GEMIN5: variants seen among roughly 807,000 people sequenced by gnomAD.
The protein encoded by GEMIN5 is gem nuclear organelle associated protein 5.
In GEMIN5, 124 loss-of-function variants were observed where a neutral mutation model predicts 176.9. The observed-to-expected ratio is 0.70, with a 90% CI of 0.61 to 0.81. The LOEUF (loss-of-function observed/expected upper bound fraction) is 0.81. GEMIN5 is among the 40% of genes least tolerant of loss of function. GEMIN5 has a pLI of 0.00. For synonymous variants in GEMIN5, 673 were observed against 665.2 expected (o/e 1.01, Z -0.18); for missense variants, 1,843 against 1,814.6 (o/e 1.02, Z -0.28).
In GEMIN5 at chr5:154,927,545, T is replaced by A. The variant is rs1334412841; in HGVS notation, c.920A>T (p.Glu307Val). Residue 307 changes from glutamate to valine, a missense_variant, in exon 7 of 28, where the codon GAA becomes GTA. Glu to Val is a moderately radical substitution (Grantham distance 121). Coordinates refer to ENST00000285873, the MANE Select transcript of GEMIN5 (RefSeq NM_015465.5). ...TTGAGTGAGATCCCATTGCAACAGT[T>A]CACCTCTGTGAAGGAAAAACATAAG... ...TQLVSSCFGG[E>V]LLQWDLTQSW... The A allele has an allele frequency of 6.3e-7, 1 of 1,592,926 alleles. No individual in the cohort carries two copies. The highest frequency in any genetic ancestry group is 8.6e-7 in the Non-Finnish European group (1 of 1,163,574).
At chr5:154,934,601 T>G in intron 3 of GEMIN5, among the ~76,000 whole-genome samples, 1 of 152,170 alleles carries the variant, frequency 6.6e-6, no homozygotes, top group East Asian at 1.9e-4. Context: ...TGTGAGCCAC[T>G]GCGCCCAGCC....
At chr5:154,936,989 A>G (rs762820552) in intron 2 of GEMIN5, 36 bp downstream of exon 2, 1 of 1,574,016 alleles carries the variant, frequency 6.4e-7, no homozygotes, top group Non-Finnish European at 8.7e-7. Context: ...GCACAGATAG[A>G]TAAAAACGGT....
chr5:154,904,694 T>C (rs1427178185), intron 17 of GEMIN5, 65 bp from the exon 18 acceptor site: 1 of 1,310,672 alleles, frequency 7.6e-7, no homozygotes, highest in Non-Finnish European at 1.1e-6. Flanking sequence ...ACGGAATGCC[T>C]ATTGTGTGAA....
rs1763341569 is a variant in GEMIN5 at position 154,895,946 on chromosome 5, G to C, written c.3597+146C>G. On this transcript the variant is annotated intron_variant, in intron 24 of 27. Coordinates refer to ENST00000285873, the MANE Select transcript of GEMIN5 (RefSeq NM_015465.5). ...GTTAAAGGGCTTTGATTAGTCTAAA[G>C]GGATCTTTCCAGGTGGCGTGGCCAT... 18 of 800,124 alleles carry C rather than the reference G, an allele frequency of 2.2e-5. No individual in the cohort carries two copies. In the South Asian group the frequency reaches 3.1e-4, roughly 14 times the overall value. 49.6% of individuals were successfully genotyped at this position (800,124 alleles called of 1,614,324 possible).
Position 154,888,502 on chromosome 5 carries a change from G to A in GEMIN5, c.4360-125C>T. The A allele has an allele frequency of 4.3e-6, 3 of 696,466 alleles. No individual in the cohort carries two copies. In the East Asian group the frequency reaches 8.1e-5, roughly 19 times the overall value. 43.1% of individuals were successfully genotyped at this position (696,466 alleles called of 1,614,324 possible). ...CTTCTTGGACACAGCTGAGCCAGCT[G>A]TCTCCTAAGGCAATGTCCTGTCTTT... On this transcript the variant is annotated intron_variant, in intron 27 of 27. Transcript: ENST00000285873.
chr5:154,908,134 ACT>A, intron 15 of GEMIN5, among the ~76,000 whole-genome samples: 2 of 127,260 alleles, frequency 1.6e-5, no homozygotes, highest in East Asian at 4.6e-4. Context: ...CCTACTCCAT[ACT>A]CTCTATTTAA....
intron 7 of GEMIN5, among the ~76,000 whole-genome samples, chr5:154,926,395 A>G (rs554435554): frequency 1.3e-5 from 2 of 152,170 alleles, no homozygotes; most frequent in Non-Finnish European, 2.9e-5. Context: ...CTCATTTGGC[A>G]AACTCTAAGG....
intron 26 of GEMIN5, among the ~76,000 whole-genome samples, chr5:154,890,032 G>T (rs1213831535): frequency 6.6e-6 from 1 of 152,232 alleles, no homozygotes; most frequent in African/African-American, 2.4e-5. Context: ...ATTTCTGGAG[G>T]AAGTGCTGCT....
chr5:154,898,780 C>A, intron 22 of GEMIN5, 130 bp from the exon 23 acceptor site: 1 of 748,082 alleles, frequency 1.3e-6, no homozygotes. Context: ...TATGTCACTG[C>A]CCCGGTTGTT....
chr5:154,930,233 G>A (rs370360137), intron 5 of GEMIN5, among the ~76,000 whole-genome samples: 1 of 152,112 alleles, frequency 6.6e-6, no homozygotes, highest in Admixed American at 6.6e-5. Flanking sequence ...TAGCCTGTGC[G>A]GTCTAACCCT....
intron 21 of GEMIN5, among the ~76,000 whole-genome samples, chr5:154,900,889 T>C (rs936798182): frequency 4.4e-5 from 3 of 67,920 alleles, no homozygotes; most frequent in Non-Finnish European, 6.7e-5. Context: ...TAGGAGGTAA[T>C]TCTAGAATAT....
At chr5:154,903,019 C>T (rs1561713953) in intron 19 of GEMIN5, 61 bp downstream of exon 19, 1 of 1,074,694 alleles carries the variant, frequency 9.3e-7, no homozygotes, top group Non-Finnish European at 1.4e-6. Flanking sequence ...CAAAGAGGTG[C>T]ACACAAAATG....
At chr5:154,890,333 A>T (rs1561706629) in intron 26 of GEMIN5, among the ~76,000 whole-genome samples, 1 of 151,980 alleles carries the variant, frequency 6.6e-6, no homozygotes, top group Non-Finnish European at 1.5e-5. Flanking sequence ...TTTATTTTTA[A>T]TATTTTTTAA....
In GEMIN5 at chr5:154,927,496, G is replaced by C. The variant is rs1764070295; in HGVS notation, c.969C>G (p.Leu323=). ...TTTGCCCTTCTGATGAGGCACTGAA[G>C]AGGGTGTATTTCCGTCTCCAAGATT... ...LTQSWRRKYT[L]FSASSEGQNH... The change falls in exon 7 of 28, where the codon CTC becomes CTG. Residue 323 remains leucine (L), a synonymous_variant. Coordinates refer to ENST00000285873, the MANE Select transcript of GEMIN5 (RefSeq NM_015465.5). The C allele has an allele frequency of 6.2e-7, 1 of 1,611,486 alleles. No individual in the cohort carries two copies. The highest frequency in any genetic ancestry group is 8.5e-7 in the Non-Finnish European group (1 of 1,177,590).
At chr5:154,901,316 C>T (rs941660291) in intron 21 of GEMIN5, 23 bp downstream of exon 21, 24 of 1,587,128 alleles carry the variant, frequency 1.5e-5, no homozygotes, top group East Asian at 9.1e-5. Context: ...CAAGTATTAT[C>T]CCAACTCTAG....
At chr5:154,913,065 G>A (rs1763736585) in intron 13 of GEMIN5, 27 bp from the exon 14 acceptor site, 2 of 1,574,262 alleles carry the variant, frequency 1.3e-6, no homozygotes, top group African/African-American at 1.4e-5. Context: ...AGACATCACT[G>A]CTGCTACTAC....
At chr5:154,934,492 A>T (rs1257497409) in intron 3 of GEMIN5, among the ~76,000 whole-genome samples, 1 of 152,018 alleles carries the variant, frequency 6.6e-6, no homozygotes, top group African/African-American at 2.4e-5. Context: ...TTTTATTTTT[A>T]GTAGAGATGG....
intron 20 of GEMIN5, 31 bp downstream of exon 20, chr5:154,902,508 G>C: frequency 6.2e-7 from 1 of 1,610,608 alleles, no homozygotes; most frequent in Non-Finnish European, 8.5e-7. Context: ...TAGAGCTTTT[G>C]TTGAAAAGAA....
At chr5:154,915,211 G>A (rs1763786519) in intron 13 of GEMIN5, among the ~76,000 whole-genome samples, 1 of 152,112 alleles carries the variant, frequency 6.6e-6, no homozygotes, top group South Asian at 2.1e-4. Context: ...TTTTAACTCA[G>A]GAGTCACTAC....
Sources: gnomAD v4.1 joint callset for allele counts (sites outside exome capture counted in the v4.1 genomes callset) on GRCh38, gnomAD v4.1.1 for gene constraint, MANE v1.5 for transcripts, NCBI Gene and HGNC (gene_info 2026-07-23, HGNC 2026-07-21) for gene names.